The following DOK6 variants were observed in gnomAD, a reference collection of about 807,000 sequenced individuals.
The protein encoded by DOK6 is downstream of tyrosine kinase 6.
Under a neutral mutation model 44.0 loss-of-function variants are expected in DOK6, and 22 were observed. The observed-to-expected ratio is 0.50, with a 90% CI of 0.36 to 0.71. The LOEUF is 0.71. DOK6 is among the 30% of genes least tolerant of loss of function. DOK6 has a pLI of 0.00. For missense variants in DOK6, 340 were observed against 416.4 expected (o/e 0.82, Z 1.60); for synonymous variants, 166 against 145.5 (o/e 1.14, Z -1.01).
At chr18:69,833,073 C>T (rs1159233571) in intron 7 of DOK6, among the ~76,000 whole-genome samples, 2 of 152,088 alleles carry the variant, frequency 1.3e-5, no homozygotes, top group Non-Finnish European at 2.9e-5. Flanking sequence ...TTCTAAAATT[C>T]ACACGGTACC....
intron 1 of DOK6, among the ~76,000 whole-genome samples, chr18:69,546,586 A>G (rs955641918): frequency 1.3e-5 from 2 of 151,550 alleles, no homozygotes; most frequent in African/African-American, 4.8e-5. Flanking sequence ...AGAAAATACA[A>G]TCGTATTTCA....
intron 5 of DOK6, among the ~76,000 whole-genome samples, chr18:69,704,154 C>T (rs1259242564): frequency 1.3e-5 from 2 of 152,314 alleles, no homozygotes; most frequent in Non-Finnish European, 1.5e-5. Context: ...TAATACAAAA[C>T]ATTTAAATAC....
intron 6 of DOK6, among the ~76,000 whole-genome samples, chr18:69,754,281 G>A (rs761874678): frequency 1.5e-4 from 23 of 150,894 alleles, no homozygotes; most frequent in Non-Finnish European, 2.7e-4. Flanking sequence ...TTGAGCTTGG[G>A]AGGCGGAGAT....
intron 3 of DOK6, among the ~76,000 whole-genome samples, chr18:69,604,420 A>C (rs749404309): frequency 7.9e-5 from 12 of 152,224 alleles, no homozygotes; most frequent in Non-Finnish European, 1.3e-4. Context: ...AACTTCCCAG[A>C]GAAGAATTTC....
At chr18:69,402,983 G>C (rs187981882) in intron 1 of DOK6, among the ~76,000 whole-genome samples, 1 of 152,216 alleles carries the variant, frequency 6.6e-6, no homozygotes, top group South Asian at 2.1e-4. Context: ...GGGAGGTGCA[G>C]AGCTGGAGGT....
chr18:69,552,412 A>G (rs1982587908), intron 1 of DOK6, among the ~76,000 whole-genome samples: 1 of 152,050 alleles, frequency 6.6e-6, no homozygotes, highest in Non-Finnish European at 1.5e-5. Context: ...TTTGCTCTAT[A>G]TTTTGTAGTG....
chr18:69,526,556 T>C (rs1390859116), intron 1 of DOK6, among the ~76,000 whole-genome samples: 3 of 152,238 alleles, frequency 2.0e-5, no homozygotes, highest in African/African-American at 7.2e-5. Context: ...TAAACATTCA[T>C]GTACAAGTTT....
chr18:69,790,264 CG>C (rs1003030978), intron 7 of DOK6, among the ~76,000 whole-genome samples: 1 of 15,836 alleles, frequency 6.3e-5, no homozygotes, highest in South Asian at 2.8e-3. Context: ...TGGGGCCTGT[CG>C]GGGGGTGGGG....
chr18:69,476,084 TC>T (rs202097299), intron 1 of DOK6, among the ~76,000 whole-genome samples: 1,988 of 151,514 alleles, frequency 0.013, 21 homozygotes, highest in Middle Eastern at 0.024. Flanking sequence ...GCTGTTGCCG[TC>T]TTTATATCCA....
rs1373110842 is a variant in DOK6, at chr18:69,843,914, T to G, written c.*2531T>G. The G allele has an allele frequency of 6.6e-6, 1 of 152,178 alleles. No homozygotes were observed. Among genetic ancestry groups the G allele is most frequent in the East Asian group, 1.9e-4 (1 of 5,190 alleles). 9.4% of individuals were successfully genotyped at this position (152,178 alleles called of 1,614,324 possible). A position where few individuals can be genotyped will look rare whatever the true frequency, so the allele number is the denominator to read the frequency against. ...CTCACAATTGTAGCTGAGTCAAGAC[T>G]GCTAAATGAACAGATAGGAGAACTT... is the stretch of plus-strand genomic sequence containing the variant. On this transcript the variant is annotated 3_prime_UTR_variant, in exon 8 of 8. Transcript: ENST00000382713.
chr18:69,479,659 CTTTG>C (rs1980364762), intron 1 of DOK6, among the ~76,000 whole-genome samples: 1 of 152,092 alleles, frequency 6.6e-6, no homozygotes, highest in African/African-American at 2.4e-5. Flanking sequence ...TAATCATTAA[CTTTG>C]GCAAATTTTC....
In DOK6 at chr18:69,542,903, T is replaced by G. The variant is rs144044690; in HGVS notation, c.67-21584T>G. ...TCTCAAACATCATTTAGTTGAGATC[T>G]TGACATTTCTTTTACTTTTGATTTT... On this transcript the variant is annotated intron_variant, in intron 1 of 7. Transcript: ENST00000382713. Among the ~76,000 whole-genome samples the G allele has an allele frequency of 4.9e-4, 74 of 151,740 alleles. 2 individuals carry two copies. The East Asian group carries it at 0.014, about 28-fold the overall frequency.
At chr18:69,826,640 T>C (rs1333935097) in intron 7 of DOK6, among the ~76,000 whole-genome samples, 1 of 152,152 alleles carries the variant, frequency 6.6e-6, no homozygotes, top group African/African-American at 2.4e-5. Context: ...TTACTTTCTA[T>C]TGGGATGGTT....
chr18:69,466,742 C>T (rs1472672368), intron 1 of DOK6, among the ~76,000 whole-genome samples: 1 of 150,288 alleles, frequency 6.7e-6, no homozygotes, highest in Non-Finnish European at 1.5e-5. Flanking sequence ...TCTGAAAAAT[C>T]CCAAAGACTC....
intron 1 of DOK6, 38 bp downstream of exon 1, chr18:69,401,348 C>T (rs761103309): frequency 2.1e-5 from 30 of 1,450,314 alleles, no homozygotes; most frequent in Non-Finnish European, 2.6e-5. Context: ...CCCCGGCGCT[C>T]GTTCGGCCCG....
chr18:69,537,170 A>T (rs1361725806), intron 1 of DOK6, among the ~76,000 whole-genome samples: 1 of 152,124 alleles, frequency 6.6e-6, no homozygotes, highest in Non-Finnish European at 1.5e-5. Flanking sequence ...CAAGTAAGAC[A>T]TAAAATTATT....
rs142232684 is a variant in DOK6, at chr18:69,570,908, A to G, written c.174+6314A>G. 4.6e-5 allele frequency among the ~76,000 whole-genome samples: 7 copies of G among 152,256 alleles called. No homozygotes were observed. In the East Asian group the frequency reaches 1.3e-3, roughly 29 times the overall value. Reference sequence around the variant, plus strand: ...TTTATTTCCTTCAGATCTATACTCCAAAAGTGTTGAAAGTGAGTTCTTCAG... The same window carrying G: ...TTTATTTCCTTCAGATCTATACTCCGAAAGTGTTGAAAGTGAGTTCTTCAG... On this transcript the variant is annotated intron_variant, in intron 2 of 7. Transcript: ENST00000382713.
chr18:69,767,440 T>C (rs1175272125), intron 7 of DOK6, among the ~76,000 whole-genome samples: 1 of 152,074 alleles, frequency 6.6e-6, no homozygotes, highest in Non-Finnish European at 1.5e-5. Flanking sequence ...TCCCATGCCT[T>C]ATATTGCTCA....
At chr18:69,431,239 T>C (rs193041591) in intron 1 of DOK6, among the ~76,000 whole-genome samples, 46 of 152,298 alleles carry the variant, frequency 3.0e-4, no homozygotes, top group Non-Finnish European at 2.4e-4. Flanking sequence ...GGGATTAACA[T>C]CAGTTCTGAA....
Sources: gnomAD v4.1 joint callset for allele counts (sites outside exome capture counted in the v4.1 genomes callset) on GRCh38, gnomAD v4.1.1 for gene constraint, MANE v1.5 for transcripts, NCBI Gene and HGNC (gene_info 2026-07-23, HGNC 2026-07-21) for gene names.